ZDHHC20: variants seen among roughly 807,000 people sequenced by gnomAD.
ZDHHC20 encodes the protein zDHHC palmitoyltransferase 20.
Under a neutral mutation model 57.8 loss-of-function variants are expected in ZDHHC20, and 43 were observed. That is an observed-to-expected ratio of 0.74 (90% CI 0.58 to 0.96). ZDHHC20 has a LOEUF of 0.96. ZDHHC20 is among the 40% of genes least tolerant of loss of function. ZDHHC20 has a pLI of 0.00. For synonymous variants in ZDHHC20, 157 were observed against 153.0 expected (o/e 1.03, Z -0.19); for missense variants, 391 against 441.1 (o/e 0.89, Z 1.02).
chr13:21,383,709 T>C (rs569192762), intron 9 of ZDHHC20, among the ~76,000 whole-genome samples: 1 of 152,298 alleles, frequency 6.6e-6, no homozygotes, highest in East Asian at 1.9e-4. Flanking sequence ...GTTCCACATA[T>C]TTATTTATTC....
chr13:21,428,145 C>T (rs1881494006), intron 1 of ZDHHC20, among the ~76,000 whole-genome samples: 1 of 152,122 alleles, frequency 6.6e-6, no homozygotes, highest in Non-Finnish European at 1.5e-5. Context: ...TGGCTGGGAA[C>T]AGCAATCTGC....
At chr13:21,407,213 C>T (rs1878573423) in intron 4 of ZDHHC20, among the ~76,000 whole-genome samples, 1 of 152,094 alleles carries the variant, frequency 6.6e-6, no homozygotes, top group African/African-American at 2.4e-5. Context: ...TCAGGCTGGT[C>T]TCGAACTCCT....
intron 1 of ZDHHC20, among the ~76,000 whole-genome samples, chr13:21,439,757 C>G (rs1378234084): frequency 6.6e-6 from 1 of 152,012 alleles, no homozygotes; most frequent in African/African-American, 2.4e-5. Flanking sequence ...ATTTTAATAA[C>G]TGCACTCTGG....
chr13:21,450,934 T>C (rs1039929447), intron 1 of ZDHHC20, among the ~76,000 whole-genome samples: 1 of 152,110 alleles, frequency 6.6e-6, no homozygotes, highest in Non-Finnish European at 1.5e-5. Flanking sequence ...TTTTATTTTA[T>C]TTTTGTAAAG....
chr13:21,388,791 A>T (rs922406225), intron 8 of ZDHHC20, among the ~76,000 whole-genome samples: 3 of 152,180 alleles, frequency 2.0e-5, no homozygotes, highest in Non-Finnish European at 2.9e-5. Context: ...CCCACTGTGC[A>T]CGCGGATAGA....
At chr13:21,402,693 T>A in intron 5 of ZDHHC20, 104 bp downstream of exon 5, 1 of 900,758 alleles carries the variant, frequency 1.1e-6, no homozygotes, top group Non-Finnish European at 1.7e-6. Context: ...GAGGATGAAG[T>A]GTTCTTGTCA....
intron 10 of ZDHHC20, chr13:21,382,059 G>C (rs1458402108): frequency 9.4e-6 from 4 of 426,598 alleles, no homozygotes; most frequent in Non-Finnish European, 1.4e-5. Flanking sequence ...ACTAACATTT[G>C]TTGGTTCCCT....
At chr13:21,453,451 T>TTA (rs1369717268) in intron 1 of ZDHHC20, among the ~76,000 whole-genome samples, 2 of 152,304 alleles carry the variant, frequency 1.3e-5, no homozygotes, top group East Asian at 3.9e-4. Flanking sequence ...TAACTGACAT[T>TTA]TATGGAGCAT....
At position 21,401,675 on chromosome 13, in the gene ZDHHC20, T is replaced by G; in HGVS notation, c.451A>C (p.Lys151Gln). The G allele has an allele frequency of 2.6e-6, 4 of 1,528,332 alleles. No individual in the cohort carries two copies. The highest frequency in any genetic ancestry group is 3.5e-6 in the Non-Finnish European group (4 of 1,140,362). The allele number at this position is 1,528,332 out of a possible 1,614,324, so 94.7% of individuals were successfully genotyped here. ...TACCAAGGACAGTGATGATCCATCT[T>G]AAGAATACATCTAGGAAACAAACAA... ...HCSACDSCIL[K>Q]MDHHCPWVNN... The change falls in exon 6 of 13, where the codon AAG becomes CAG. Residue 151 changes from lysine to glutamine, a missense_variant. Physicochemically the swap from Lys to Gln is moderately conservative, Grantham distance 53 (BLOSUM62 1). This residue lies in a region of ZDHHC20 where 185 missense variants were observed against 188.0 expected (regional missense o/e 0.98). Coordinates refer to ENST00000400590, the MANE Select transcript of ZDHHC20 (RefSeq NM_001330059.2).
chr13:21,455,007 G>A (rs533819011), intron 1 of ZDHHC20, among the ~76,000 whole-genome samples: 3 of 152,236 alleles, frequency 2.0e-5, no homozygotes, highest in African/African-American at 7.2e-5. Context: ...TGCAAGCTCC[G>A]CCTCCCAGGT....
At chr13:21,454,234 G>A (rs1208167351) in intron 1 of ZDHHC20, among the ~76,000 whole-genome samples, 2 of 152,110 alleles carry the variant, frequency 1.3e-5, no homozygotes, top group Non-Finnish European at 2.9e-5. Flanking sequence ...GCTGAGGCAG[G>A]AGAATTGCTT....
intron 1 of ZDHHC20, among the ~76,000 whole-genome samples, chr13:21,427,764 G>A (rs1191508593): frequency 6.7e-6 from 1 of 149,610 alleles, no homozygotes; most frequent in Non-Finnish European, 1.5e-5. Flanking sequence ...GAACCCAGGG[G>A]GCAGAGGTTG....
chr13:21,449,684 G>T (rs1161257645), intron 1 of ZDHHC20, among the ~76,000 whole-genome samples: 1 of 151,482 alleles, frequency 6.6e-6, no homozygotes, highest in Non-Finnish European at 1.5e-5. Flanking sequence ...TCACTCTGTG[G>T]CCCAGGCTGG....
intron 5 of ZDHHC20, 89 bp downstream of exon 5, chr13:21,402,708 T>C (rs2137802438): frequency 9.3e-7 from 1 of 1,070,318 alleles, no homozygotes; most frequent in East Asian, 2.6e-5. Flanking sequence ...TTGTCAAGTG[T>C]AAAGCATATA....
chr13:21,410,658 G>A (rs1303279435), intron 4 of ZDHHC20, among the ~76,000 whole-genome samples: 1 of 152,216 alleles, frequency 6.6e-6, no homozygotes, highest in Non-Finnish European at 1.5e-5. Context: ...TGTTTACACT[G>A]TGAGGGGAAA....
chr13:21,420,859 G>A (rs1208867700), intron 3 of ZDHHC20, among the ~76,000 whole-genome samples: 3 of 152,076 alleles, frequency 2.0e-5, no homozygotes, highest in African/African-American at 4.8e-5. Flanking sequence ...TTTCTATACC[G>A]CTGAACTTTT....
chr13:21,443,886 C>T (rs1593275546), intron 1 of ZDHHC20, among the ~76,000 whole-genome samples: 2 of 152,242 alleles, frequency 1.3e-5, no homozygotes, highest in South Asian at 2.1e-4. Flanking sequence ...ATTTTGGCTG[C>T]GTGTGGTGGC....
In ZDHHC20 at chr13:21,421,163, T is replaced by C. The variant is rs755097911; in HGVS notation, c.147A>G (p.Gly49=). The C allele has an allele frequency of 6.2e-7, 1 of 1,612,108 alleles. No homozygotes were observed. Among genetic ancestry groups the C allele is most frequent in the Non-Finnish European group, 8.5e-7 (1 of 1,178,904 alleles). ...AAGCCACAAGGTAAACAACGGTCTT[T>C]CCTGGTAAATAAAAACAAATAACAG... ...VFTIFGNEEN[G]KTVVYLVAFH... Residue 49 remains glycine (G), a splice_region_variant and synonymous_variant, in exon 3 of 13, where the codon GGA becomes GGG. Transcript: ENST00000400590.
chr13:21,400,643 A>C, intron 6 of ZDHHC20, 150 bp from the exon 7 acceptor site: 1 of 720,602 alleles, frequency 1.4e-6, no homozygotes. Context: ...GCAGGATGAA[A>C]AAGTTCTGGA....
Sources: gnomAD v4.1 joint callset for allele counts (sites outside exome capture counted in the v4.1 genomes callset) on GRCh38, gnomAD v4.1.1 for gene constraint, gnomAD v4.1.1 regional missense constraint, MANE v1.5 for transcripts, NCBI Gene and HGNC (gene_info 2026-07-23, HGNC 2026-07-21) for gene names.